Variants in PLXNA3 observed in about 807,000 individuals in gnomAD.
The protein encoded by PLXNA3 is plexin A3.
Under a neutral mutation model 118.8 loss-of-function variants are expected in PLXNA3, and 52 were observed. That is an observed-to-expected ratio of 0.44 (90% CI 0.35 to 0.55). The LOEUF is 0.55. Ranked by LOEUF, PLXNA3 falls within the 20% of genes least tolerant of loss-of-function variation. PLXNA3 has a pLI of 0.01. For missense variants in PLXNA3, 1,660 were observed against 1,730.8 expected (o/e 0.96, Z 0.73); for synonymous variants, 925 against 762.4 (o/e 1.21, Z -3.51).
rs782345214 is a variant in PLXNA3 at position 154,475,973 on chromosome X, A to G, written c.*3288A>G. On this transcript the variant is annotated 3_prime_UTR_variant, in exon 33 of 33. Transcript: ENST00000369682. Reference sequence around the variant, plus strand: ...CACTGGAGCCCAGGAGTTCAGGACCAGCCTGGGCAACAAAGCGAGATCCCC... The same window carrying G: ...CACTGGAGCCCAGGAGTTCAGGACCGGCCTGGGCAACAAAGCGAGATCCCC... 9.0e-6 allele frequency: 1 copy of G among 111,185 alleles called. No individual in the cohort carries two copies. Among genetic ancestry groups the G allele is most frequent in the South Asian group, 3.8e-4 (1 of 2,635 alleles). 9.2% of individuals were successfully genotyped at this position (111,185 alleles called of 1,213,427 possible).
In PLXNA3 at chrX:154,470,547, G is replaced by A; in HGVS notation, c.5092G>A (p.Asp1698Asn). 1 of 1,211,734 alleles carries A rather than the reference G, an allele frequency of 8.3e-7. No individual in the cohort carries two copies. The highest frequency in any genetic ancestry group is 1.1e-6 in the Non-Finnish European group (1 of 895,418). ...LAIKYMFDFL[D>N]EQADQRQISD... ...CATCAAGTACATGTTCGACTTCCTG[G>A]ATGAGCAGGCGGACCAGCGCCAGAT... Residue 1698 changes from aspartate to asparagine, a missense_variant, in exon 30 of 33, where the codon GAT (aspartate) becomes AAT (asparagine). By Grantham distance (23) the Asp-to-Asn change is conservative. Around this residue, in one of 2 missense-constraint regions of PLXNA3, gnomAD observed 869 missense variants for 1,078.7 expected, o/e 0.81. Coordinates refer to ENST00000369682, the MANE Select transcript of PLXNA3 (RefSeq NM_017514.5).
chrX:154,467,576 G>A lies in PLXNA3; in HGVS notation c.3473G>A (p.Ser1158Asn). The A allele has an allele frequency of 8.4e-7, 1 of 1,196,536 alleles. No individual in the cohort carries two copies. The highest frequency in any genetic ancestry group is 1.1e-6 in the Non-Finnish European group (1 of 888,491). ...GKNLIPAAAGSSRLNYTVLIG... is the reference protein window; with the variant it reads ...GKNLIPAAAGNSRLNYTVLIG... ...AACCTGATTCCCGCTGCAGCCGGCA[G>A]CTCCCGCCTCAACTACACTGTGCTG... The change falls in exon 20 of 33, where the codon AGC (serine) becomes AAC (asparagine). Residue 1158 changes from serine to asparagine, a missense_variant. By Grantham distance (46) the Ser-to-Asn change is conservative. Coordinates refer to ENST00000369682, the MANE Select transcript of PLXNA3 (RefSeq NM_017514.5).
At position 154,470,558 on chromosome X, in the gene PLXNA3, G is replaced by A. The variant is rs782276640; in HGVS notation, c.5103G>A (p.Ala1701=). Reference sequence around the variant, plus strand: ...TGTTCGACTTCCTGGATGAGCAGGCGGACCAGCGCCAGATCAGCGACCCCG... The same window carrying A: ...TGTTCGACTTCCTGGATGAGCAGGCAGACCAGCGCCAGATCAGCGACCCCG... ...KYMFDFLDEQ[A]DQRQISDPDV... is the part of the protein sequence containing the mutation. Residue 1701 remains alanine (A), a synonymous_variant, in exon 30 of 33, where the codon GCG becomes GCA. Transcript: ENST00000369682. 59 of 1,210,635 alleles carry A rather than the reference G, an allele frequency of 4.9e-5. No homozygotes were observed. In the Admixed American group the frequency reaches 8.5e-4, roughly 17 times the overall value.
intron 32 of PLXNA3, 59 bp from the exon 33 acceptor site, chrX:154,472,531 T>A: frequency 1.2e-6 from 1 of 809,376 alleles, no homozygotes; most frequent in Non-Finnish European, 1.9e-6. Context: ...GTGGGGACTT[T>A]GCATGGCAGG....
rs782643499 is a variant in PLXNA3, at chrX:154,460,826, C to T, written c.594+49C>T. ...TTCCTCCACCCAGTCCTGGCTCTGCCTCCCAGAAGAGCCCTGTTCTTTCTG... is the reference window on the plus strand; with the variant it reads ...TTCCTCCACCCAGTCCTGGCTCTGCTTCCCAGAAGAGCCCTGTTCTTTCTG... On this transcript the variant is annotated intron_variant, in intron 2 of 32. Transcript: ENST00000369682. The T allele has an allele frequency of 9.8e-6, 9 of 921,439 alleles. No homozygotes were observed. The Admixed American group carries it at 1.3e-4, about 13-fold the overall frequency. 75.9% of individuals were successfully genotyped at this position (921,439 alleles called of 1,213,427 possible).
At chrX:154,471,011 T>G in intron 30 of PLXNA3, 94 bp from the exon 31 acceptor site, 2 of 695,496 alleles carry the variant, frequency 2.9e-6, no homozygotes, top group Admixed American at 2.7e-5. Context: ...GGACAAGATG[T>G]GAGCCGGCCC....
intron 18 of PLXNA3, 21 bp downstream of exon 18, chrX:154,467,171 C>T (rs1557207447): frequency 8.3e-7 from 1 of 1,207,981 alleles, no homozygotes; most frequent in East Asian, 3.0e-5. Flanking sequence ...GCTGCCCCGC[C>T]CCACCCCGAC....
rs781799984 is a variant in PLXNA3 at position 154,460,450 on chromosome X, C to T, written c.267C>T (p.Arg89=). Residue 89 remains arginine (R), a synonymous_variant, in exon 2 of 33, where the codon CGC becomes CGT. Coordinates refer to ENST00000369682, the MANE Select transcript of PLXNA3 (RefSeq NM_017514.5). ...PPPSMRVCAH[R]LAPVDNINKL... ...CCAGCATGCGCGTGTGTGCCCACCG[C>T]CTGGCCCCCGTGGACAACATCAACA... The T allele has an allele frequency of 2.5e-6, 3 of 1,203,036 alleles. No individual in the cohort carries two copies. Among genetic ancestry groups the T allele is most frequent in the Admixed American group, 2.2e-5 (1 of 45,599 alleles).
In PLXNA3 at chrX:154,465,679, G is replaced by T. The variant is rs148539575; in HGVS notation, c.2364G>T (p.Ala788=). Residue 788 remains alanine (A), a synonymous_variant, in exon 13 of 33, where the codon GCG becomes GCT. Coordinates refer to ENST00000369682, the MANE Select transcript of PLXNA3 (RefSeq NM_017514.5). ...CAGCCCTCCTGTACAAGTGCTGGGCGCAGCGGCCCAGCTGTGGCCTCTGCC... is the reference window on the plus strand; with the variant it reads ...CAGCCCTCCTGTACAAGTGCTGGGCTCAGCGGCCCAGCTGTGGCCTCTGCC... ...SFRALLYKCW[A]QRPSCGLCLK... 8.0e-5 allele frequency: 96 copies of T among 1,207,250 alleles called. 1 individual carries two copies. In the South Asian group the frequency reaches 1.6e-3, roughly 20 times the overall value.
At position 154,468,174 on chromosome X, in the gene PLXNA3, C is replaced by T. The variant is rs782230927; in HGVS notation, c.3913C>T (p.Arg1305Cys). The change falls in exon 22 of 33, where the codon CGC becomes TGC. Residue 1305 changes from arginine to cysteine, a missense_variant. Transcript: ENST00000369682. ...CCTGGACTACCGGACTTACGCCGTG[C>T]GCGTGCTCTTCCCGGGCATCGAGGC... is the stretch of plus-strand genomic sequence containing the variant. ...PFLDYRTYAV[R>C]VLFPGIEAHP... 1.1e-5 allele frequency: 13 copies of T among 1,185,479 alleles called. No homozygotes were observed. The highest frequency in any genetic ancestry group is 4.5e-5 in the Admixed American group (2 of 44,171).
intron 4 of PLXNA3, among the ~76,000 whole-genome samples, chrX:154,462,741 C>T (rs1287606564): frequency 9.0e-6 from 1 of 111,678 alleles, no homozygotes; most frequent in Non-Finnish European, 1.9e-5. Context: ...CATCCTTCCC[C>T]TCCTACCCAT....
Position 154,469,747 on chromosome X carries a change from C to A in PLXNA3, c.4758C>A (p.Ala1586=), listed in dbSNP as rs1416696028. Residue 1586 remains alanine (A), a synonymous_variant, in exon 28 of 33, where the codon GCC becomes GCA. Coordinates refer to ENST00000369682, the MANE Select transcript of PLXNA3 (RefSeq NM_017514.5). ...AACAAGTGTCTGCCTATAACATGGC[C>A]AACTCCTTCACCTTCACCCGCTCCC... ...VPKQVSAYNM[A]NSFTFTRSLS... is the part of the protein sequence containing the mutation. 2 of 1,210,613 alleles carry A rather than the reference C, an allele frequency of 1.7e-6. No homozygotes were observed. Among genetic ancestry groups the A allele is most frequent in the South Asian group, 3.5e-5 (2 of 57,022 alleles).
Position 154,463,505 on chromosome X carries a change from C to T in PLXNA3, c.1432C>T (p.Leu478=). 1 of 1,185,380 alleles carries T rather than the reference C, an allele frequency of 8.4e-7. No homozygotes were observed. The highest frequency in any genetic ancestry group is 1.1e-6 in the Non-Finnish European group (1 of 882,597). ...CCCGGACCACCGGCACATCTATCTC[C>T]TGAGTGAGAAGCAGGTGGGCCTGTG... The part of the protein sequence containing the change: ...FSPDHRHIYL[L]SEKQVSQLPV... Residue 478 remains leucine (L), a synonymous_variant, in exon 5 of 33, where the codon CTG becomes TTG. Transcript: ENST00000369682.
In PLXNA3 at chrX:154,468,310, C is replaced by G. The variant is rs1389445745; in HGVS notation, c.3971C>G (p.Pro1324Arg). The change falls in exon 23 of 33, where the codon CCC (proline) becomes CGC (arginine). Residue 1324 changes from proline to arginine, a missense_variant. Pro to Arg is a moderately radical substitution (Grantham distance 103). This residue lies in a region of PLXNA3 where 869 missense variants were observed against 1,078.7 expected (regional missense o/e 0.81). Coordinates refer to ENST00000369682, the MANE Select transcript of PLXNA3 (RefSeq NM_017514.5). Reference protein sequence around the residue: ...HPVLKELDTPPNVEKALRLFG... With the variant: ...HPVLKELDTPRNVEKALRLFG... ...ACCTCCTGCTCCCCACAGACGCCAC[C>G]CAACGTGGAGAAGGCCCTGCGCCTC... The G allele has an allele frequency of 2.5e-6, 3 of 1,203,923 alleles. No individual in the cohort carries two copies. The highest frequency in any genetic ancestry group is 3.4e-6 in the Non-Finnish European group (3 of 890,936).
chrX:154,464,053 A>G lies in PLXNA3; in HGVS notation c.1650A>G (p.Ser550=). ...VQVRVRPNNV[S]VTSPGVQLTV... ...TGCGGGTCCGGCCCAACAATGTGTCAGTGACGTCACCTGGGGTGCAGGTGA... is the reference window on the plus strand; with the variant it reads ...TGCGGGTCCGGCCCAACAATGTGTCGGTGACGTCACCTGGGGTGCAGGTGA... Residue 550 remains serine (S), a synonymous_variant, in exon 7 of 33, where the codon TCA becomes TCG. Coordinates refer to ENST00000369682, the MANE Select transcript of PLXNA3 (RefSeq NM_017514.5). The G allele has an allele frequency of 8.3e-7, 1 of 1,210,744 alleles. No homozygotes were observed. Among genetic ancestry groups the G allele is most frequent in the Non-Finnish European group, 1.1e-6 (1 of 895,148 alleles).
intron 2 of PLXNA3, among the ~76,000 whole-genome samples, 153 bp from the exon 3 acceptor site, chrX:154,460,946 G>A (rs1402702117): frequency 8.9e-6 from 1 of 112,436 alleles, no homozygotes; most frequent in African/African-American, 3.2e-5. Context: ...TCCCCTGTGT[G>A]CAGGGAGGCT....
At position 154,464,763 on chromosome X, in the gene PLXNA3, C is replaced by T. The variant is rs1161269321; in HGVS notation, c.1938C>T (p.Ser646=). The T allele has an allele frequency of 4.2e-6, 5 of 1,179,842 alleles. No individual in the cohort carries two copies. The highest frequency in any genetic ancestry group is 5.7e-6 in the Non-Finnish European group (5 of 875,743). ...GCCACTTCCCCCCCAGGTGCATGTC[C>T]TGTGTTGGCAGCCCTTACCCCTGCC... ...YNCSVLQSCM[S]CVGSPYPCHW... is the part of the protein sequence containing the mutation. Residue 646 remains serine, a synonymous_variant, in exon 10 of 33, where the codon TCC becomes TCT. Coordinates refer to ENST00000369682, the MANE Select transcript of PLXNA3 (RefSeq NM_017514.5).
chrX:154,461,670 T>C (rs1193630693), intron 3 of PLXNA3, 32 bp downstream of exon 3: 19 of 1,135,522 alleles, frequency 1.7e-5, no homozygotes, highest in Non-Finnish European at 2.1e-5. Flanking sequence ...ACTGGTCCTC[T>C]GCCCTGTCCC....
rs1269647910 is a variant in PLXNA3 at position 154,474,500 on chromosome X, C to G, written c.*1815C>G. 1 of 103,019 alleles carries G rather than the reference C, an allele frequency of 9.7e-6. No individual in the cohort carries two copies. 8.5% of individuals were successfully genotyped at this position (103,019 alleles called of 1,213,427 possible). On this transcript the variant is annotated 3_prime_UTR_variant, in exon 33 of 33. Coordinates refer to ENST00000369682, the MANE Select transcript of PLXNA3 (RefSeq NM_017514.5). ...TTTATGTTTTTTTTTTTTTCTTTGA[C>G]GGAGTGTCGCTCTGTCGCCCAGGCT...
Sources: gnomAD v4.1 joint callset for allele counts (sites outside exome capture counted in the v4.1 genomes callset) on GRCh38, gnomAD v4.1.1 for gene constraint, gnomAD v4.1.1 regional missense constraint, MANE v1.5 for transcripts, NCBI Gene and HGNC (gene_info 2026-07-23, HGNC 2026-07-21) for gene names.